The following SLC25A48 variants were observed in gnomAD, a reference collection of about 807,000 sequenced individuals.
The protein encoded by SLC25A48 is CTC-321K16.1.
In SLC25A48, 29 loss-of-function variants were observed where a neutral mutation model predicts 32.2. The ratio of observed to expected loss-of-function variants is 0.90; its 90% CI spans 0.67 to 1.23. The LOEUF (loss-of-function observed/expected upper bound fraction) is 1.23, where lower values mean the gene tolerates loss of function less well. Among genes scored for constraint, SLC25A48 ranks in the 50% most tolerant of loss-of-function variants. The pLI, the probability that SLC25A48 is intolerant of heterozygous loss-of-function variation, is 0.00. For missense variants in SLC25A48, 399 were observed against 422.7 expected (o/e 0.94, Z 0.49); for synonymous variants, 164 against 172.3 (o/e 0.95, Z 0.38).
intron 3 of SLC25A48, among the ~76,000 whole-genome samples, chr5:135,757,414 A>G (rs1755941760): frequency 6.7e-6 from 1 of 149,446 alleles, no homozygotes; most frequent in Admixed American, 6.7e-5. Flanking sequence ...TTAACACACT[A>G]TGATATTGAT....
chr5:135,604,096 G>A (rs868082444), intron 1 of SLC25A48, among the ~76,000 whole-genome samples: 25 of 152,196 alleles, frequency 1.6e-4, no homozygotes, highest in African/African-American at 5.6e-4. Flanking sequence ...CTGCGTGGTG[G>A]GTTCCGTTAT....
At position 135,865,595 on chromosome 5, in the gene SLC25A48, C is replaced by G. The variant is rs191824777; in HGVS notation, c.422-5866C>G. Among the ~76,000 whole-genome samples, 30 of 152,230 alleles carry G rather than the reference C, an allele frequency of 2.0e-4. No homozygotes were observed. The East Asian group carries it at 5.8e-3, about 29-fold the overall frequency. ...AGTGCTGAGACCTGCCTAAGTCAGG[C>G]GCTCCATTGTCCATGGAGTAGATGC... On this transcript the variant is annotated intron_variant, in intron 4 of 7. Coordinates refer to ENST00000681962, the MANE Select transcript of SLC25A48 (RefSeq NM_001349336.2).
At chr5:135,797,871 A>G (rs1047554580) in intron 3 of SLC25A48, among the ~76,000 whole-genome samples, 1 of 151,582 alleles carries the variant, frequency 6.6e-6, no homozygotes, top group Admixed American at 6.6e-5. Context: ...AAAGGTGTAC[A>G]CCCCTTCTGT....
At chr5:135,652,149 T>A (rs1753130732) in intron 3 of SLC25A48, among the ~76,000 whole-genome samples, 1 of 152,186 alleles carries the variant, frequency 6.6e-6, no homozygotes. Context: ...GGACTTCCCC[T>A]TATAAAGGCT....
chr5:135,832,464 T>C (rs933227056), upstream of SLC25A48, among the ~76,000 whole-genome samples: 2 of 152,092 alleles, frequency 1.3e-5, no homozygotes, highest in African/African-American at 4.8e-5. Context: ...GAGGGGATTG[T>C]TGGCTTGCCT....
intron 3 of SLC25A48, among the ~76,000 whole-genome samples, chr5:135,738,806 G>T (rs566311312): frequency 6.6e-6 from 1 of 152,312 alleles, no homozygotes; most frequent in Admixed American, 6.5e-5. Flanking sequence ...TGGTGGCCAG[G>T]TGCAGTGGCT....
At chr5:135,838,521 C>T (rs1758724166) in intron 1 of SLC25A48, among the ~76,000 whole-genome samples, 1 of 152,172 alleles carries the variant, frequency 6.6e-6, no homozygotes, top group African/African-American at 2.4e-5. Context: ...TGTCAGAGAC[C>T]TTGGTGACAG....
intron 1 of SLC25A48, among the ~76,000 whole-genome samples, chr5:135,620,522 T>C (rs1339367334): frequency 1.3e-5 from 2 of 152,062 alleles, no homozygotes; most frequent in Non-Finnish European, 2.9e-5. Flanking sequence ...GAAGCTTTCA[T>C]AGGGGGTTGC....
chr5:135,689,736 C>T (rs887465574), intron 3 of SLC25A48, among the ~76,000 whole-genome samples: 1 of 152,200 alleles, frequency 6.6e-6, no homozygotes, highest in Non-Finnish European at 1.5e-5. Flanking sequence ...CTCTGTAACG[C>T]TGAATTGTGC....
At chr5:135,740,164 G>A (rs538073177) in intron 3 of SLC25A48, among the ~76,000 whole-genome samples, 1 of 152,096 alleles carries the variant, frequency 6.6e-6, no homozygotes, top group South Asian at 2.1e-4. Context: ...ATATATGTGT[G>A]TGTGCATGTG....
chr5:135,600,825 G>A (rs955424421), intron 1 of SLC25A48, among the ~76,000 whole-genome samples: 1 of 150,766 alleles, frequency 6.6e-6, no homozygotes, highest in Non-Finnish European at 1.5e-5. Flanking sequence ...TGGGACTACA[G>A]GTACGTGCCA....
intron 3 of SLC25A48, among the ~76,000 whole-genome samples, chr5:135,692,267 C>G (rs561062177): frequency 6.9e-6 from 1 of 143,964 alleles, no homozygotes; most frequent in Non-Finnish European, 1.5e-5. Context: ...TGCAGTGAGC[C>G]GAGATCACAC....
chr5:135,770,661 C>A (rs1044487526), intron 3 of SLC25A48, among the ~76,000 whole-genome samples: 1 of 151,618 alleles, frequency 6.6e-6, no homozygotes, highest in Non-Finnish European at 1.5e-5. Flanking sequence ...TGTACACCCC[C>A]TCGCGATATT....
intron 3 of SLC25A48, among the ~76,000 whole-genome samples, chr5:135,741,406 C>T (rs34986053): frequency 0.24 from 37,045 of 152,090 alleles, 4,972 homozygotes; most frequent in East Asian, 0.46. Flanking sequence ...TGGGCAAAAT[C>T]AAGGATCATA....
At chr5:135,810,553 G>A (rs1008240334) in intron 3 of SLC25A48, among the ~76,000 whole-genome samples, 1 of 152,180 alleles carries the variant, frequency 6.6e-6, no homozygotes, top group Non-Finnish European at 1.5e-5. Context: ...AGCCACTGTT[G>A]TCAAGTATCT....
intron 3 of SLC25A48, among the ~76,000 whole-genome samples, chr5:135,645,663 A>G (rs936184245): frequency 2.6e-5 from 4 of 152,190 alleles, no homozygotes; most frequent in African/African-American, 9.7e-5. Flanking sequence ...TTGAGGGCAG[A>G]GACTACTGGA....
At chr5:135,788,253 G>T (rs910929172) in intron 3 of SLC25A48, among the ~76,000 whole-genome samples, 3 of 151,502 alleles carry the variant, frequency 2.0e-5, no homozygotes, top group African/African-American at 7.3e-5. Flanking sequence ...TGGGGAGAGG[G>T]TGATATTATT....
intron 3 of SLC25A48, among the ~76,000 whole-genome samples, chr5:135,851,963 A>T (rs757162712): frequency 1.1e-4 from 16 of 152,080 alleles, no homozygotes; most frequent in Non-Finnish European, 2.2e-4. Flanking sequence ...ATGGGCACTC[A>T]TCTAGAGGCT....
At chr5:135,766,964 C>T (rs561954880) in intron 3 of SLC25A48, among the ~76,000 whole-genome samples, 1 of 151,526 alleles carries the variant, frequency 6.6e-6, no homozygotes, top group South Asian at 2.1e-4. Context: ...CTTCATACCA[C>T]GGGAAGTATG....
Sources: allele counts gnomAD v4.1 joint callset (sites outside exome capture counted in the v4.1 genomes callset), GRCh38; gene constraint gnomAD v4.1.1; transcripts MANE v1.5; gene names NCBI Gene and HGNC (gene_info 2026-07-23, HGNC 2026-07-21).